The following NXN variants were observed in gnomAD, a reference collection of about 807,000 sequenced individuals.
The protein encoded by NXN is nucleoredoxin 1.
Under a neutral mutation model 48.6 loss-of-function variants are expected in NXN, and 16 were observed. The ratio of observed to expected loss-of-function variants is 0.33; its 90% CI spans 0.22 to 0.50. The LOEUF is 0.50. Ranked by LOEUF, NXN falls within the 20% of genes least tolerant of loss-of-function variation. The probability of loss-of-function intolerance (pLI) is 0.98; values close to 1 mark genes in which losing one functional copy is unlikely to be tolerated. For synonymous variants in NXN, 281 were observed against 269.6 expected (o/e 1.04, Z -0.41); for missense variants, 492 against 605.5 (o/e 0.81, Z 1.97).
Position 901,396 on chromosome 17 carries a change from C to T in NXN, c.361-75318G>A, listed in dbSNP as rs148603960. ...CTCCTTTCCTCTCCGCAGTTTATTCCGGGGAAGAACTCTGGCCTGGGAAAC... is the reference window on the plus strand; with the variant it reads ...CTCCTTTCCTCTCCGCAGTTTATTCTGGGGAAGAACTCTGGCCTGGGAAAC... On this transcript the variant is annotated intron_variant, in intron 1 of 7. Coordinates refer to ENST00000336868, the MANE Select transcript of NXN (RefSeq NM_022463.5). Among the ~76,000 whole-genome samples, 8 of 152,254 alleles carry T rather than the reference C, an allele frequency of 5.3e-5. No homozygotes were observed. In the East Asian group the frequency reaches 9.7e-4, roughly 18 times the overall value.
At chr17:851,299 G>A (rs77736621) in intron 1 of NXN, among the ~76,000 whole-genome samples, 88 of 152,378 alleles carry the variant, frequency 5.8e-4, no homozygotes, top group East Asian at 1.2e-3. Flanking sequence ...AAATGAAGAC[G>A]CCAGGACAAA....
chr17:840,070 G>A (rs111959162), intron 1 of NXN, among the ~76,000 whole-genome samples: 1,968 of 149,636 alleles, frequency 0.013, 49 homozygotes, highest in African/African-American at 0.045. Context: ...GCACTCCAGC[G>A]TGGGCGACAG....
intron 1 of NXN, among the ~76,000 whole-genome samples, chr17:908,597 T>A (rs2068602858): frequency 6.6e-6 from 1 of 151,878 alleles, no homozygotes; most frequent in Non-Finnish European, 1.5e-5. Flanking sequence ...GCCATTATGG[T>A]TAAACCAAAT....
rs577987929 is a variant in NXN at position 943,119 on chromosome 17, T to C, written c.360+36200A>G. 3.3e-5 allele frequency among the ~76,000 whole-genome samples: 5 copies of C among 152,352 alleles called. No homozygotes were observed. The East Asian group carries it at 9.6e-4, about 29-fold the overall frequency. ...TCCTCCCTTCCCTGCACCAACATAC[T>C]TCATCGTTTTAAAATAACCGTCGGT... On this transcript the variant is annotated intron_variant, in intron 1 of 7. Coordinates refer to ENST00000336868, the MANE Select transcript of NXN (RefSeq NM_022463.5).
chr17:835,706 G>GCCC (rs67695828), intron 1 of NXN, among the ~76,000 whole-genome samples: 9 of 110,082 alleles, frequency 8.2e-5, no homozygotes, highest in Admixed American at 2.6e-4. Context: ...GGATTCGTCA[G>GCCC]CCTCATAGAG....
chr17:973,527 C>G (rs769502609), intron 1 of NXN, among the ~76,000 whole-genome samples: 2 of 152,106 alleles, frequency 1.3e-5, no homozygotes, highest in Non-Finnish European at 2.9e-5. Flanking sequence ...CAGGCTTCGT[C>G]GATCAGCAGC....
At chr17:957,374 C>G (rs563928684) in intron 1 of NXN, among the ~76,000 whole-genome samples, 11 of 151,668 alleles carry the variant, frequency 7.3e-5, no homozygotes, top group Admixed American at 2.0e-4. Context: ...GGGCTCACTT[C>G]GGCCATCCCA....
In NXN at chr17:951,954, C is replaced by G. The variant is rs1248827562; in HGVS notation, c.360+27365G>C. The stretch of plus-strand genomic sequence containing the variant: ...TCCTGGAAACCAGGGCCACGCAGCT[C>G]CCGCCTGCCCTGACCTCAGTCCCCT... On this transcript the variant is annotated intron_variant, in intron 1 of 7. Transcript: ENST00000336868. Among the ~76,000 whole-genome samples the G allele has an allele frequency of 7.2e-5, 11 of 152,298 alleles. No homozygotes were observed. The East Asian group carries it at 1.9e-3, about 27-fold the overall frequency.
At chr17:803,925 G>A (rs966890154) in intron 6 of NXN, 119 bp from the exon 7 acceptor site, 61 of 1,322,098 alleles carry the variant, frequency 4.6e-5, no homozygotes, top group East Asian at 3.3e-4. Context: ...GCCCCTGAAC[G>A]GAAATGAACT....
intron 1 of NXN, among the ~76,000 whole-genome samples, chr17:880,591 G>GTTTAT (rs1045744144): frequency 2.4e-4 from 37 of 152,166 alleles, no homozygotes; most frequent in African/African-American, 8.9e-4. Context: ...AAAAATAAGT[G>GTTTAT]TTTATTTTTC....
intron 1 of NXN, among the ~76,000 whole-genome samples, chr17:926,284 T>C (rs2068797761): frequency 6.6e-6 from 1 of 152,144 alleles, no homozygotes; most frequent in Non-Finnish European, 1.5e-5. Flanking sequence ...CCTCCCGGGC[T>C]CAAGCAATCC....
At chr17:834,678 C>A (rs1018107891) in intron 1 of NXN, among the ~76,000 whole-genome samples, 1 of 151,742 alleles carries the variant, frequency 6.6e-6, no homozygotes, top group African/African-American at 2.4e-5. Context: ...CACCACCACG[C>A]CCGACCTAAT....
chr17:977,650 T>G (rs2069477330), intron 1 of NXN, among the ~76,000 whole-genome samples: 1 of 152,270 alleles, frequency 6.6e-6, no homozygotes, highest in African/African-American at 2.4e-5. Context: ...AAGCTAGAAA[T>G]CATTTGTATT....
intron 1 of NXN, among the ~76,000 whole-genome samples, chr17:826,320 C>T (rs1261413214): frequency 1.3e-5 from 2 of 152,114 alleles, no homozygotes; most frequent in Admixed American, 6.6e-5. Flanking sequence ...CCACTGCCCC[C>T]CGGGGTCTGC....
chr17:885,007 G>A (rs1196167672), intron 1 of NXN, among the ~76,000 whole-genome samples: 1 of 152,162 alleles, frequency 6.6e-6, no homozygotes, highest in African/African-American at 2.4e-5. Flanking sequence ...TATGGCGAGC[G>A]CCATCCCCTT....
chr17:852,329 C>G (rs2067932779), intron 1 of NXN, among the ~76,000 whole-genome samples: 1 of 152,282 alleles, frequency 6.6e-6, no homozygotes, highest in East Asian at 1.9e-4. Flanking sequence ...CAGCAGGGAA[C>G]CTCATTAAGC....
intron 1 of NXN, among the ~76,000 whole-genome samples, chr17:894,994 C>CTTTTTTTT (rs778350779): frequency 6.6e-5 from 4 of 60,822 alleles, no homozygotes; most frequent in East Asian, 6.2e-4. Flanking sequence ...TCACCCTTTC[C>CTTTTTTTT]TTTTTTTTTT....
At chr17:936,106 A>C (rs1347010951) in intron 1 of NXN, among the ~76,000 whole-genome samples, 1 of 151,558 alleles carries the variant, frequency 6.6e-6, no homozygotes, top group Non-Finnish European at 1.5e-5. Flanking sequence ...AAAAAAAAAA[A>C]AAAAACCTCC....
At chr17:921,505 C>T (rs781406519) in intron 1 of NXN, among the ~76,000 whole-genome samples, 1 of 152,166 alleles carries the variant, frequency 6.6e-6, no homozygotes, top group Non-Finnish European at 1.5e-5. Context: ...TGGTCCCCTA[C>T]GCCAGCCCCT....
Sources: allele counts gnomAD v4.1 joint callset (sites outside exome capture counted in the v4.1 genomes callset), GRCh38; gene constraint gnomAD v4.1.1; transcripts MANE v1.5; gene names NCBI Gene and HGNC (gene_info 2026-07-23, HGNC 2026-07-21).